CAMTA1: variants seen among roughly 807,000 people sequenced by gnomAD.
CAMTA1 encodes calmodulin binding transcription activator 1.
CAMTA1 carries 27 observed loss-of-function variants against 170.9 expected under a neutral mutation model. The observed-to-expected ratio is 0.16, with a 90% confidence interval of 0.12 to 0.22. The LOEUF (loss-of-function observed/expected upper bound fraction) is 0.22. CAMTA1 is among the 10% of genes least tolerant of loss of function. CAMTA1 has a pLI of 1.00. For synonymous variants in CAMTA1, 833 were observed against 891.5 expected (o/e 0.93, Z 1.17); for missense variants, 1,619 against 2,217.2 (o/e 0.73, Z 5.42).
At chr1:7,582,041 C>T (rs375016312) in intron 6 of CAMTA1, among the ~76,000 whole-genome samples, 1 of 152,154 alleles carries the variant, frequency 6.6e-6, no homozygotes, top group African/African-American at 2.4e-5. Context: ...GGATACGTTC[C>T]CCTGGAGGAC....
At position 7,680,905 on chromosome 1, in the gene CAMTA1, C is replaced by A. The variant is rs1388694625; in HGVS notation, c.2914+3172C>A. Among the ~76,000 whole-genome samples the A allele has an allele frequency of 7.2e-6, 1 of 138,340 alleles. No individual in the cohort carries two copies. The highest frequency in any genetic ancestry group is 2.2e-4 in the South Asian group (1 of 4,562). 90.8% of individuals were successfully genotyped at this position (138,340 alleles called of 152,430 possible). On this transcript the variant is annotated intron_variant, in intron 11 of 22. Coordinates refer to ENST00000303635, the MANE Select transcript of CAMTA1 (RefSeq NM_015215.4). The surrounding 1 kb of genome is among the most constrained non-coding windows in gnomAD (Gnocchi z 4.4). ...CAGCTGCTGCGGCGAAGTCTTTGTCCCCGCGGCGCAGCCTTTGTCCCCGCG... is the reference window on the plus strand; with the variant it reads ...CAGCTGCTGCGGCGAAGTCTTTGTCACCGCGGCGCAGCCTTTGTCCCCGCG...
At chr1:7,356,390 C>A (rs1035266643) in intron 5 of CAMTA1, among the ~76,000 whole-genome samples, 2 of 152,208 alleles carry the variant, frequency 1.3e-5, no homozygotes, top group African/African-American at 4.8e-5. Flanking sequence ...TGGGCTTTTG[C>A]TGATGCTGTT....
intron 3 of CAMTA1, among the ~76,000 whole-genome samples, chr1:6,837,455 A>C (rs1309332348): frequency 1.3e-5 from 2 of 152,158 alleles, no homozygotes; most frequent in Non-Finnish European, 2.9e-5. Context: ...ACAAGGGGAA[A>C]ACACTCGCAT....
At chr1:7,148,980 G>A (rs1646401878) in intron 4 of CAMTA1, among the ~76,000 whole-genome samples, 2 of 152,260 alleles carry the variant, frequency 1.3e-5, no homozygotes, top group South Asian at 4.1e-4. Context: ...AGCTGTCAGG[G>A]GTGCGTGTGT....
At chr1:7,626,261 C>T (rs1056572156) in intron 6 of CAMTA1, among the ~76,000 whole-genome samples, 1 of 152,214 alleles carries the variant, frequency 6.6e-6, no homozygotes, top group African/African-American at 2.4e-5. Flanking sequence ...CACAATTCAT[C>T]CTCTGCTGCC....
chr1:7,616,836 G>C (rs2095562382), intron 6 of CAMTA1, among the ~76,000 whole-genome samples: 2 of 152,230 alleles, frequency 1.3e-5, no homozygotes, highest in African/African-American at 2.4e-5. Context: ...ATAAAACAGA[G>C]AGATATACCC....
At chr1:7,199,361 C>G (rs995956305) in intron 4 of CAMTA1, among the ~76,000 whole-genome samples, 1 of 152,256 alleles carries the variant, frequency 6.6e-6, no homozygotes, top group Non-Finnish European at 1.5e-5. Flanking sequence ...TTACTCAGTC[C>G]ATGCGAGGTG....
chr1:7,192,238 C>A (rs963937334), intron 4 of CAMTA1, among the ~76,000 whole-genome samples: 3 of 152,220 alleles, frequency 2.0e-5, no homozygotes, highest in African/African-American at 7.2e-5. Context: ...CCAGCCTCTT[C>A]CTCTGCATCT....
At chr1:7,210,154 T>C (rs886243830) in intron 4 of CAMTA1, among the ~76,000 whole-genome samples, 1 of 152,242 alleles carries the variant, frequency 6.6e-6, no homozygotes, top group African/African-American at 2.4e-5. Flanking sequence ...TATCCTTTAT[T>C]AGCAAAATAC....
intron 6 of CAMTA1, among the ~76,000 whole-genome samples, chr1:7,471,025 C>T (rs1442130285): frequency 3.3e-5 from 5 of 152,206 alleles, no homozygotes; most frequent in African/African-American, 9.6e-5. Flanking sequence ...GTATCCACCC[C>T]GGGGCGGGAA....
chr1:7,647,904 C>T (rs1474876988), intron 7 of CAMTA1, among the ~76,000 whole-genome samples: 3 of 152,000 alleles, frequency 2.0e-5, no homozygotes, highest in African/African-American at 7.3e-5. Flanking sequence ...GGCAACATGG[C>T]GAGACCCTGT....
intron 11 of CAMTA1, among the ~76,000 whole-genome samples, chr1:7,720,921 G>A (rs968094962): frequency 7.9e-5 from 12 of 152,258 alleles, no homozygotes; most frequent in African/African-American, 2.4e-4. Flanking sequence ...TCTTGCCCCT[G>A]GACAGGTGAT....
At chr1:7,276,965 A>G (rs564950015) in intron 5 of CAMTA1, among the ~76,000 whole-genome samples, 2 of 152,372 alleles carry the variant, frequency 1.3e-5, no homozygotes, top group South Asian at 2.1e-4. Flanking sequence ...ACAGTGTAAA[A>G]TAACATAAAA....
chr1:6,996,500 A>C (rs745835392), intron 3 of CAMTA1, among the ~76,000 whole-genome samples: 2 of 152,172 alleles, frequency 1.3e-5, no homozygotes, highest in Non-Finnish European at 2.9e-5. Flanking sequence ...CAGTTTATGC[A>C]CAGACTTTGG....
intron 4 of CAMTA1, among the ~76,000 whole-genome samples, chr1:7,221,302 A>C (rs1406032614): frequency 6.6e-6 from 1 of 150,710 alleles, no homozygotes; most frequent in Non-Finnish European, 1.5e-5. Flanking sequence ...TCATTCATTC[A>C]CTCAAGCACT....
At position 7,248,329 on chromosome 1, in the gene CAMTA1, A is replaced by G. The variant is rs112078930; in HGVS notation, c.303-1162A>G. ...CTCGCCTCCGTTGTAGCAGAGCAAC[A>G]TACAAGCCAGGCTGAAGAAGCCCCA... On this transcript the variant is annotated intron_variant, in intron 4 of 22. Coordinates refer to ENST00000303635, the MANE Select transcript of CAMTA1 (RefSeq NM_015215.4). This position sits in a 1 kb window ranked among gnomAD's most constrained non-coding sequence, Gnocchi z 4.0. 2.6e-3 allele frequency among the ~76,000 whole-genome samples: 396 copies of G among 152,374 alleles called. 3 individuals carry two copies. Among genetic ancestry groups the G allele is most frequent in the Non-Finnish European group, 4.9e-3 (334 of 68,038 alleles).
chr1:7,389,890 G>A (rs938490984), intron 5 of CAMTA1: 3 of 152,332 alleles, frequency 2.0e-5, no homozygotes, highest in Admixed American at 6.5e-5. Context: ...GCTGCTGTTG[G>A]GGGTCCCGTG....
At chr1:7,302,112 A>T (rs1192128197) in intron 5 of CAMTA1, among the ~76,000 whole-genome samples, 2 of 151,808 alleles carry the variant, frequency 1.3e-5, no homozygotes, top group East Asian at 3.9e-4. Flanking sequence ...TCCAAGACAA[A>T]ATTATGCATT....
chr1:7,161,190 C>T (rs1647190602), intron 4 of CAMTA1, among the ~76,000 whole-genome samples: 1 of 152,148 alleles, frequency 6.6e-6, no homozygotes, highest in Non-Finnish European at 1.5e-5. Flanking sequence ...AGCACTCATG[C>T]TGGCTCTAGC....
Sources: gnomAD v4.1 joint callset for allele counts (sites outside exome capture counted in the v4.1 genomes callset) on GRCh38, gnomAD v4.1.1 for gene constraint, Gnocchi (gnomAD v3.1) non-coding constraint, MANE v1.5 for transcripts, NCBI Gene and HGNC (gene_info 2026-07-23, HGNC 2026-07-21) for gene names.